Variants in DPP6 observed in about 807,000 individuals in gnomAD.
DPP6 encodes dipeptidyl peptidase like 6.
In DPP6, 69 loss-of-function variants were observed where a neutral mutation model predicts 122.6. The observed-to-expected ratio is 0.56, with a 90% CI of 0.46 to 0.69. The LOEUF (loss-of-function observed/expected upper bound fraction) is 0.69. Ranked by LOEUF, DPP6 falls within the 30% of genes least tolerant of loss-of-function variation. DPP6 has a pLI of 0.00. For missense variants in DPP6, 928 were observed against 1,116.9 expected (o/e 0.83, Z 2.41); for synonymous variants, 418 against 433.1 (o/e 0.97, Z 0.43).
Position 154,144,948 on chromosome 7 carries a change from C to T in DPP6, c.243+91885C>T, listed in dbSNP as rs1432545307. 2.0e-5 allele frequency among the ~76,000 whole-genome samples: 3 copies of T among 151,640 alleles called. No homozygotes were observed. The East Asian group carries it at 5.9e-4, about 30-fold the overall frequency. On this transcript the variant is annotated intron_variant, in intron 1 of 25. Transcript: ENST00000377770. ...GTGAGAAGTTAAATTTCTGTTAAGA[C>T]TCCCAGTTATGGCAGCCAAGCAGAC...
At chr7:154,399,792 G>A (rs1274412990) in intron 1 of DPP6, among the ~76,000 whole-genome samples, 3 of 152,192 alleles carry the variant, frequency 2.0e-5, no homozygotes, top group Non-Finnish European at 4.4e-5. Flanking sequence ...CATTTGGGGT[G>A]TGCACTTTAA....
intron 1 of DPP6, among the ~76,000 whole-genome samples, chr7:154,069,624 AT>A (rs1186582414): frequency 3.3e-5 from 5 of 151,110 alleles, no homozygotes; most frequent in Non-Finnish European, 7.4e-5. Flanking sequence ...ATGATACTTC[AT>A]TTAATAACAA....
chr7:154,775,273 T>C (rs1796491082), intron 10 of DPP6, among the ~76,000 whole-genome samples: 1 of 152,260 alleles, frequency 6.6e-6, no homozygotes, highest in East Asian at 1.9e-4. Flanking sequence ...ATAAGAAACA[T>C]GTTTACTCTC....
intron 1 of DPP6, among the ~76,000 whole-genome samples, chr7:154,070,309 G>C (rs1029975931): frequency 6.6e-6 from 1 of 151,200 alleles, no homozygotes; most frequent in Non-Finnish European, 1.5e-5. Context: ...ATCCTGGCTC[G>C]GTCACAAATT....
At chr7:154,876,302 G>A in intron 20 of DPP6, 1 of 955,158 alleles carries the variant, frequency 1.0e-6, no homozygotes, top group Non-Finnish European at 1.4e-6. Context: ...TTTATAACTA[G>A]TTTTCCCACT....
chr7:154,736,787 G>T (rs1842589191), intron 8 of DPP6, among the ~76,000 whole-genome samples: 1 of 152,198 alleles, frequency 6.6e-6, no homozygotes, highest in South Asian at 2.1e-4. Context: ...CTTAATAAAT[G>T]TTCAGAAAAT....
chr7:154,560,870 G>C (rs1404452221), intron 4 of DPP6, among the ~76,000 whole-genome samples: 1 of 145,260 alleles, frequency 6.9e-6, no homozygotes, highest in Non-Finnish European at 1.5e-5. Context: ...GTGACAGAGT[G>C]AGACTCCGTC....
In DPP6 at chr7:154,803,957, T is replaced by G; in HGVS notation, c.1499+2T>G. 4.3e-6 allele frequency: 7 copies of G among 1,613,320 alleles called. No homozygotes were observed. The highest frequency in any genetic ancestry group is 5.9e-6 in the Non-Finnish European group (7 of 1,179,608). On this transcript the variant is annotated splice_donor_variant, in intron 14 of 25. Transcript: ENST00000377770. LOFTEE classifies it high-confidence loss of function. ...CTACGATGAGAAGGGGAATAAGATGTGAGTGAGAACCAGGGGCCTGCCCCA... is the reference window on the plus strand; with the variant it reads ...CTACGATGAGAAGGGGAATAAGATGGGAGTGAGAACCAGGGGCCTGCCCCA...
At chr7:154,267,674 G>T (rs1021164245) in intron 1 of DPP6, among the ~76,000 whole-genome samples, 1 of 147,478 alleles carries the variant, frequency 6.8e-6, no homozygotes, top group Non-Finnish European at 1.5e-5. Flanking sequence ...ATATGTGTGT[G>T]TATATATTTA....
chr7:153,858,342 G>T, the DPP6 span, among the ~76,000 whole-genome samples: 1 of 152,182 alleles, frequency 6.6e-6, no homozygotes. Flanking sequence ...TTCTGCTGGG[G>T]CAGGGTGAAG....
At chr7:154,596,906 TATG>T (rs10533058) in intron 5 of DPP6, among the ~76,000 whole-genome samples, 89,767 of 151,758 alleles carry the variant, frequency 0.59, 27,006 homozygotes, top group African/African-American at 0.7. Context: ...AATTTTAAAA[TATG>T]AGGTAGAAAA....
At chr7:153,822,488 G>C in the DPP6 span, among the ~76,000 whole-genome samples, 1 of 152,066 alleles carries the variant, frequency 6.6e-6, no homozygotes, top group African/African-American at 2.4e-5. Flanking sequence ...ACTGTGCCCG[G>C]TTAATCATTT....
chr7:154,307,646 C>G (rs1434423301), intron 1 of DPP6, among the ~76,000 whole-genome samples: 1 of 152,128 alleles, frequency 6.6e-6, no homozygotes, highest in Non-Finnish European at 1.5e-5. Flanking sequence ...TAAATAACCT[C>G]CTAAAATAAA....
At chr7:154,736,517 G>A (rs898368273) in intron 8 of DPP6, among the ~76,000 whole-genome samples, 1 of 152,100 alleles carries the variant, frequency 6.6e-6, no homozygotes. Context: ...TAGCTCTCAG[G>A]TCATACAAAA....
the DPP6 span, among the ~76,000 whole-genome samples, chr7:153,867,185 A>T: frequency 6.6e-6 from 1 of 152,220 alleles, no homozygotes. Flanking sequence ...AATTCTGTGA[A>T]GAAAGTAATT....
chr7:154,739,756 T>G (rs1225004816), intron 8 of DPP6, among the ~76,000 whole-genome samples: 1 of 152,184 alleles, frequency 6.6e-6, no homozygotes, highest in Non-Finnish European at 1.5e-5. Flanking sequence ...CCTTCCTTCT[T>G]GGCATCTCCT....
chr7:154,684,287 ACT>A (rs953440277), intron 7 of DPP6, among the ~76,000 whole-genome samples: 5 of 148,446 alleles, frequency 3.4e-5, no homozygotes, highest in African/African-American at 7.5e-5. Flanking sequence ...CACACTCATC[ACT>A]CTCTGCTTTT....
At chr7:154,255,095 A>C (rs1416505018) in intron 1 of DPP6, among the ~76,000 whole-genome samples, 1 of 152,170 alleles carries the variant, frequency 6.6e-6, no homozygotes, top group Admixed American at 6.6e-5. Flanking sequence ...TAACAAATGA[A>C]TAAAGGCATG....
intron 16 of DPP6, among the ~76,000 whole-genome samples, chr7:154,818,492 C>T (rs1388986861): frequency 6.6e-6 from 1 of 152,142 alleles, no homozygotes; most frequent in African/African-American, 2.4e-5. Flanking sequence ...CATGCCTAAC[C>T]GTAAATGAGT....
Sources: gnomAD v4.1 joint callset for allele counts (sites outside exome capture counted in the v4.1 genomes callset) on GRCh38, gnomAD v4.1.1 for gene constraint, MANE v1.5 for transcripts, NCBI Gene and HGNC (gene_info 2026-07-23, HGNC 2026-07-21) for gene names.